The following ARHGAP10 variants were observed in gnomAD, a reference collection of about 807,000 sequenced individuals.
ARHGAP10 encodes the protein rho GTPase-activating protein 10.
Under a neutral mutation model 108.6 loss-of-function variants are expected in ARHGAP10, and 87 were observed. The observed-to-expected ratio is 0.80, with a 90% CI of 0.67 to 0.96. The LOEUF (loss-of-function observed/expected upper bound fraction) is 0.96. Ranked by LOEUF, ARHGAP10 falls within the 40% of genes least tolerant of loss-of-function variation. ARHGAP10 has a pLI of 0.00. For synonymous variants in ARHGAP10, 347 were observed against 341.1 expected, an observed-to-expected ratio of 1.02 and a Z score of -0.19; for missense variants, 939 against 954.5, an observed-to-expected ratio of 0.98 and a Z score of 0.21.
intron 1 of ARHGAP10, among the ~76,000 whole-genome samples, chr4:147,790,324 C>T (rs973815828): frequency 1.2e-4 from 18 of 152,276 alleles, no homozygotes; most frequent in Middle Eastern, 3.4e-3. Context: ...AGAGGTGCCA[C>T]CTCACATGGG....
At chr4:147,857,464 A>C in intron 4 of ARHGAP10, 89 bp from the exon 5 acceptor site, 5 of 1,227,036 alleles carry the variant, frequency 4.1e-6, no homozygotes, top group Non-Finnish European at 5.4e-6. Flanking sequence ...TTTTATTTTC[A>C]GATATTTTTC....
At chr4:148,033,513 G>A (rs534595212) in intron 19 of ARHGAP10, among the ~76,000 whole-genome samples, 1 of 152,278 alleles carries the variant, frequency 6.6e-6, no homozygotes, top group Admixed American at 6.5e-5. Context: ...GTTATCCTTA[G>A]GTGGTTAGAG....
intron 7 of ARHGAP10, among the ~76,000 whole-genome samples, chr4:147,874,373 A>G (rs920994097): frequency 6.6e-6 from 1 of 152,168 alleles, no homozygotes; most frequent in Non-Finnish European, 1.5e-5. Context: ...GCCGTTTGAC[A>G]GATATTGGCA....
chr4:147,784,817 A>T (rs1246115555), intron 1 of ARHGAP10, among the ~76,000 whole-genome samples: 17 of 25,092 alleles, frequency 6.8e-4, no homozygotes, highest in African/African-American at 1.0e-3. Context: ...ATATATTATA[A>T]AATATATATT....
intron 1 of ARHGAP10, among the ~76,000 whole-genome samples, chr4:147,798,722 ACACTCTCTCTCTCTCTCTCTCTCTCTCT>A (rs1731419090): frequency 1.7e-4 from 18 of 107,408 alleles, no homozygotes; most frequent in African/African-American, 5.9e-4. Context: ...GGAGTTTGAG[ACACTCTCTCTCTCTCTCTCTCTCTCTCT>A]CTCTCTCTCT....
At chr4:147,790,059 C>T (rs1456164198) in intron 1 of ARHGAP10, among the ~76,000 whole-genome samples, 1 of 145,574 alleles carries the variant, frequency 6.9e-6, no homozygotes, top group Non-Finnish European at 1.5e-5. Context: ...CAAAATACCA[C>T]AGACTGGGTG....
intron 20 of ARHGAP10, among the ~76,000 whole-genome samples, chr4:148,059,552 TTTAA>T (rs778216517): frequency 1.2e-4 from 19 of 152,264 alleles, no homozygotes; most frequent in Non-Finnish European, 1.9e-4. Context: ...ATAATGAGCT[TTTAA>T]TTATTATTTC....
chr4:147,744,307 A>G (rs1416656078), intron 1 of ARHGAP10, among the ~76,000 whole-genome samples: 2 of 151,926 alleles, frequency 1.3e-5, no homozygotes, highest in Non-Finnish European at 2.9e-5. Flanking sequence ...CAGAGAGAGC[A>G]CATCCTGTGG....
chr4:148,020,935 A>C (rs1177131463), intron 18 of ARHGAP10, among the ~76,000 whole-genome samples: 1 of 152,144 alleles, frequency 6.6e-6, no homozygotes, highest in African/African-American at 2.4e-5. Flanking sequence ...TTTGATTTTG[A>C]CTTTTGTTCA....
At chr4:147,878,526 C>G (rs533293383) in intron 8 of ARHGAP10, among the ~76,000 whole-genome samples, 1 of 152,110 alleles carries the variant, frequency 6.6e-6, no homozygotes, top group African/African-American at 2.4e-5. Flanking sequence ...TTCTATAATT[C>G]TATCATTTTG....
chr4:147,763,486 GT>G (rs1212938283), intron 1 of ARHGAP10, among the ~76,000 whole-genome samples: 1 of 151,588 alleles, frequency 6.6e-6, no homozygotes, highest in African/African-American at 2.4e-5. Flanking sequence ...TAATTTTTGT[GT>G]TTTTAGTAGA....
chr4:148,064,802 C>T (rs1258052991), intron 22 of ARHGAP10, among the ~76,000 whole-genome samples: 1 of 152,214 alleles, frequency 6.6e-6, no homozygotes, highest in Non-Finnish European at 1.5e-5. Context: ...GTCACTTGGA[C>T]TTAAGAAATG....
At chr4:147,956,555 C>T (rs1738793195) in intron 16 of ARHGAP10, among the ~76,000 whole-genome samples, 2 of 152,040 alleles carry the variant, frequency 1.3e-5, no homozygotes, top group Admixed American at 6.5e-5. Flanking sequence ...CAAGTAAATG[C>T]TTAGTTGTTT....
At chr4:148,042,586 T>C (rs1728679848) in intron 19 of ARHGAP10, among the ~76,000 whole-genome samples, 1 of 152,210 alleles carries the variant, frequency 6.6e-6, no homozygotes, top group African/African-American at 2.4e-5. Flanking sequence ...CCCACCTGTC[T>C]TTCGCTCCTG....
chr4:147,939,993 G>C (rs2126961754), intron 14 of ARHGAP10, 94 bp downstream of exon 14: 2 of 1,194,792 alleles, frequency 1.7e-6, no homozygotes, highest in East Asian at 2.4e-5. Flanking sequence ...GAGAATACTT[G>C]TCATTCCATT....
intron 18 of ARHGAP10, among the ~76,000 whole-genome samples, chr4:147,993,832 T>C (rs947731895): frequency 5.3e-5 from 8 of 152,208 alleles, no homozygotes; most frequent in African/African-American, 1.9e-4. Flanking sequence ...TTCCTAAGCA[T>C]TCTAGTCTGC....
chr4:147,769,147 A>C (rs1729966514), intron 1 of ARHGAP10, among the ~76,000 whole-genome samples: 1 of 152,204 alleles, frequency 6.6e-6, no homozygotes, highest in Non-Finnish European at 1.5e-5. Context: ...AGGTAGGACT[A>C]ATCTGTTTCA....
chr4:147,915,991 G>A (rs1042543744), intron 13 of ARHGAP10, among the ~76,000 whole-genome samples: 4 of 152,100 alleles, frequency 2.6e-5, no homozygotes, highest in African/African-American at 9.7e-5. Flanking sequence ...TGCTTGTAGT[G>A]ACAGCTACTC....
chr4:147,821,256 A>T (rs553325322), intron 1 of ARHGAP10, among the ~76,000 whole-genome samples: 2 of 152,126 alleles, frequency 1.3e-5, no homozygotes, highest in Admixed American at 1.3e-4. Context: ...TCTGTATTCT[A>T]TTGGCTACAA....
Sources: gnomAD v4.1 joint callset for allele counts (sites outside exome capture counted in the v4.1 genomes callset) on GRCh38, gnomAD v4.1.1 for gene constraint, MANE v1.5 for transcripts, NCBI Gene and HGNC (gene_info 2026-07-23, HGNC 2026-07-21) for gene names.